The following ZFHX3 variants were observed in gnomAD, a reference collection of about 807,000 sequenced individuals.
The protein encoded by ZFHX3 is zinc finger homeobox 3, also known as zinc finger homeobox protein 3.
Under a neutral mutation model 279.1 loss-of-function variants are expected in ZFHX3, and 42 were observed. That is an observed-to-expected ratio of 0.15 (90% CI 0.12 to 0.19). ZFHX3 has a LOEUF of 0.19. Among genes scored for constraint, ZFHX3 ranks in the 10% least tolerant of loss-of-function variants. The pLI is 1.00. For synonymous variants in ZFHX3, 2,293 were observed against 1,957.8 expected (o/e 1.17, Z -4.52); for missense variants, 4,981 against 4,754.0 (o/e 1.05, Z -1.40).
At chr16:73,415,957 T>C (rs1281113202) in intron 3 of ZFHX3, among the ~76,000 whole-genome samples, 1 of 151,642 alleles carries the variant, frequency 6.6e-6, no homozygotes, top group East Asian at 1.9e-4. Flanking sequence ...CCATCTCTAC[T>C]AAAAATACAA....
chr16:73,616,907 T>C (rs2052309368), intron 2 of ZFHX3, among the ~76,000 whole-genome samples: 1 of 152,174 alleles, frequency 6.6e-6, no homozygotes, highest in Admixed American at 6.5e-5. Flanking sequence ...ATTCCCTTCT[T>C]CCACATGCGA....
chr16:73,337,897 G>GGGGA (rs1555510903), intron 3 of ZFHX3, among the ~76,000 whole-genome samples: 1 of 140,744 alleles, frequency 7.1e-6, no homozygotes, highest in Non-Finnish European at 1.6e-5. Context: ...CTTGGCGGGG[G>GGGGA]GGGGGGTCCT....
intron 8 of ZFHX3, among the ~76,000 whole-genome samples, chr16:72,799,728 T>TACTG (rs2036038197): frequency 6.6e-6 from 1 of 152,218 alleles, no homozygotes; most frequent in South Asian, 2.1e-4. Context: ...TGGTAGGGCC[T>TACTG]ACTGACTGAG....
chr16:72,929,027 C>A (rs926195717), intron 3 of ZFHX3, among the ~76,000 whole-genome samples: 1 of 151,864 alleles, frequency 6.6e-6, no homozygotes. Flanking sequence ...CACTAAAAGT[C>A]AGGAGTTCAA....
chr16:73,612,491 G>T (rs1217614710), intron 2 of ZFHX3, among the ~76,000 whole-genome samples: 3 of 152,188 alleles, frequency 2.0e-5, no homozygotes, highest in Non-Finnish European at 4.4e-5. Flanking sequence ...ATCATGTTTT[G>T]TAGCTTTTCC....
chr16:73,171,955 T>A (rs1254423618), intron 5 of ZFHX3, among the ~76,000 whole-genome samples: 1 of 152,050 alleles, frequency 6.6e-6, no homozygotes, highest in African/African-American at 2.4e-5. Flanking sequence ...ACCTACCCCA[T>A]CAATATGCAC....
intron 2 of ZFHX3, among the ~76,000 whole-genome samples, chr16:73,657,628 C>G (rs2052736313): frequency 6.6e-6 from 1 of 152,108 alleles, no homozygotes; most frequent in Non-Finnish European, 1.5e-5. Context: ...CAGTCCTAGT[C>G]AAGCACCCAC....
chr16:73,298,172 G>A (rs1395580438), intron 4 of ZFHX3, among the ~76,000 whole-genome samples: 1 of 151,316 alleles, frequency 6.6e-6, no homozygotes, highest in Non-Finnish European at 1.5e-5. Flanking sequence ...GCCTGAGTGA[G>A]AGAGCAAGAC....
chr16:73,088,264 G>C (rs1966032634), intron 8 of ZFHX3, among the ~76,000 whole-genome samples: 1 of 151,808 alleles, frequency 6.6e-6, no homozygotes, highest in African/African-American at 2.4e-5. Flanking sequence ...TTCCACCTCA[G>C]CCCTCTGCAC....
At chr16:73,738,562 T>G (rs1328414138) in intron 1 of ZFHX3, among the ~76,000 whole-genome samples, 1 of 152,234 alleles carries the variant, frequency 6.6e-6, no homozygotes, top group African/African-American at 2.4e-5. Flanking sequence ...GGCTGAATGA[T>G]GAAGGAATGA....
At chr16:72,866,226 G>T (rs1287828077) in intron 4 of ZFHX3, among the ~76,000 whole-genome samples, 1 of 152,140 alleles carries the variant, frequency 6.6e-6, no homozygotes, top group Non-Finnish European at 1.5e-5. Context: ...AGCCAGAGAG[G>T]GAGGGTCAGA....
intron 1 of ZFHX3, among the ~76,000 whole-genome samples, chr16:73,776,539 T>C (rs1316001573): frequency 6.6e-6 from 1 of 152,102 alleles, no homozygotes. Flanking sequence ...AGTAAAAATA[T>C]GCAACCGCGT....
intron 6 of ZFHX3, 27 bp downstream of exon 6, chr16:72,811,878 C>A (rs78527189): frequency 6.2e-7 from 1 of 1,611,990 alleles, no homozygotes; most frequent in East Asian, 2.2e-5. Flanking sequence ...CTCACCTCCC[C>A]ACCAGCAGAG....
chr16:73,429,167 C>T (rs747919757), intron 3 of ZFHX3, among the ~76,000 whole-genome samples: 2 of 152,116 alleles, frequency 1.3e-5, no homozygotes, highest in Non-Finnish European at 2.9e-5. Context: ...CCCAATCACC[C>T]TACTCTGGGG....
intron 3 of ZFHX3, among the ~76,000 whole-genome samples, chr16:73,414,114 C>A (rs561887000): frequency 4.6e-5 from 7 of 152,194 alleles, no homozygotes; most frequent in African/African-American, 1.7e-4. Context: ...ACTAACCTTC[C>A]AAGAAACACA....
chr16:72,827,037 C>A (rs2036950136), intron 5 of ZFHX3, among the ~76,000 whole-genome samples: 1 of 152,180 alleles, frequency 6.6e-6, no homozygotes, highest in Non-Finnish European at 1.5e-5. Flanking sequence ...GAGTGGCTAG[C>A]ATAAGGCAGC....
chr16:73,631,927 T>TCACACA (rs60955432), intron 2 of ZFHX3, among the ~76,000 whole-genome samples: 39 of 136,812 alleles, frequency 2.9e-4, no homozygotes, highest in South Asian at 7.0e-4. Context: ...TCTCTCTCTC[T>TCACACA]CACACACACA....
chr16:73,286,175 T>TCA (rs372663732), intron 4 of ZFHX3, among the ~76,000 whole-genome samples: 67 of 151,970 alleles, frequency 4.4e-4, no homozygotes, highest in African/African-American at 1.3e-3. Flanking sequence ...TCTCTCTCTC[T>TCA]CACACACACA....
intron 5 of ZFHX3, among the ~76,000 whole-genome samples, chr16:73,182,577 G>A (rs1462057842): frequency 1.3e-5 from 2 of 152,140 alleles, no homozygotes; most frequent in Non-Finnish European, 2.9e-5. Flanking sequence ...ACATCAGAAA[G>A]GCATGTGCAT....
Sources: gnomAD v4.1 joint callset for allele counts (sites outside exome capture counted in the v4.1 genomes callset) on GRCh38, gnomAD v4.1.1 for gene constraint, MANE v1.5 for transcripts, NCBI Gene and HGNC (gene_info 2026-07-23, HGNC 2026-07-21) for gene names.